DHX15: variants seen among roughly 807,000 people sequenced by gnomAD.
DHX15 encodes the protein DEAH-box helicase 15.
DHX15 carries 11 observed loss-of-function variants against 94.4 expected under a neutral mutation model. The observed-to-expected ratio is 0.12, with a 90% CI of 0.07 to 0.19. The LOEUF is 0.19. Ranked by LOEUF, DHX15 falls within the 10% of genes least tolerant of loss-of-function variation. The probability of loss-of-function intolerance (pLI) is 1.00; values close to 1 mark genes in which losing one functional copy is unlikely to be tolerated. For synonymous variants in DHX15, 338 were observed against 329.9 expected, an observed-to-expected ratio of 1.02 and a Z score of -0.27; for missense variants, 304 against 988.5, an observed-to-expected ratio of 0.31 and a Z score of 9.29.
At chr4:24,536,676 CTTT>C (rs914229426) in intron 11 of DHX15, among the ~76,000 whole-genome samples, 11 of 151,876 alleles carry the variant, frequency 7.2e-5, no homozygotes, top group African/African-American at 2.7e-4. Context: ...GTAAAAAGTT[CTTT>C]ATTAGTAAAA....
rs760641205 is a variant in DHX15, at chr4:24,540,894, A to G, written c.1540T>C (p.Leu514=). 3 of 1,610,694 alleles carry G rather than the reference A, an allele frequency of 1.9e-6. No homozygotes were observed. The highest frequency in any genetic ancestry group is 2.2e-5 in the South Asian group (2 of 90,850). The change falls in exon 9 of 14, where the codon TTG becomes CTG. Residue 514 remains leucine (L), a synonymous_variant. Transcript: ENST00000336812. ...AAGTCATCAATACCAAGTTTCTTCA[A>G]TTGTAACACAACTGATCCTAAATTA... ...RSNLGSVVLQ[L]KKLGIDDLVH...
intron 3 of DHX15, among the ~76,000 whole-genome samples, chr4:24,569,959 G>A (rs1722084793): frequency 6.6e-6 from 1 of 152,172 alleles, no homozygotes; most frequent in Non-Finnish European, 1.5e-5. Context: ...CATTTAAAAG[G>A]ACTTAAATAT....
At chr4:24,575,440 G>C (rs1047858329) in intron 2 of DHX15, among the ~76,000 whole-genome samples, 8 of 152,184 alleles carry the variant, frequency 5.3e-5, no homozygotes, top group African/African-American at 1.9e-4. Flanking sequence ...TATAAAGACA[G>C]TTACTTCTCA....
intron 3 of DHX15, among the ~76,000 whole-genome samples, chr4:24,565,817 A>C (rs1401209428): frequency 6.6e-6 from 1 of 152,186 alleles, no homozygotes; most frequent in East Asian, 1.9e-4. Flanking sequence ...GAGTGCCATA[A>C]ATGACGAAGA....
In DHX15 at chr4:24,554,958, T is replaced by C; in HGVS notation, c.862-15A>G. 1 of 1,595,932 alleles carries C rather than the reference T, an allele frequency of 6.3e-7. No individual in the cohort carries two copies. Among genetic ancestry groups the C allele is most frequent in the Non-Finnish European group, 8.6e-7 (1 of 1,164,384 alleles). ...ATAACTATAACCTGAAAGAAAACAG[T>C]AAATTATTTGAAGCTGTCTTCAAGG... On this transcript the variant is annotated splice_polypyrimidine_tract_variant and intron_variant, in intron 4 of 13. Coordinates refer to ENST00000336812, the MANE Select transcript of DHX15 (RefSeq NM_001358.3).
Position 24,570,851 on chromosome 4 carries a change from T to C in DHX15, c.508-4A>G, listed in dbSNP as rs971774670. The C allele has an allele frequency of 1.9e-6, 3 of 1,611,524 alleles. No individual in the cohort carries two copies. Among genetic ancestry groups the C allele is most frequent in the Non-Finnish European group, 1.7e-6 (2 of 1,177,920 alleles). On this transcript the variant is annotated splice_region_variant and splice_polypyrimidine_tract_variant and intron_variant, in intron 2 of 13. Coordinates refer to ENST00000336812, the MANE Select transcript of DHX15 (RefSeq NM_001358.3). ...ACTCCACACACCACTGTGGAATCTA[T>C]CAAATAATTTCACATTTAAATTAAT...
At chr4:24,574,330 A>G (rs1577350698) in intron 2 of DHX15, among the ~76,000 whole-genome samples, 1 of 152,150 alleles carries the variant, frequency 6.6e-6, no homozygotes, top group East Asian at 1.9e-4. Flanking sequence ...GTTTAATAAG[A>G]GCATGCTAGG....
chr4:24,579,992 T>C (rs1722372674), intron 1 of DHX15, among the ~76,000 whole-genome samples: 1 of 152,216 alleles, frequency 6.6e-6, no homozygotes, highest in Admixed American at 6.5e-5. Context: ...TTTCAATCTC[T>C]TGACCTCATG....
chr4:24,583,860 T>G (rs368453449), intron 1 of DHX15, among the ~76,000 whole-genome samples: 3 of 151,906 alleles, frequency 2.0e-5, no homozygotes, highest in Non-Finnish European at 2.9e-5. Context: ...CTGGAGTGCC[T>G]GGCCGCGCCC....
chr4:24,567,632 CA>C (rs1722021689), intron 3 of DHX15, among the ~76,000 whole-genome samples: 1 of 151,712 alleles, frequency 6.6e-6, no homozygotes, highest in Non-Finnish European at 1.5e-5. Context: ...AAATCCACTG[CA>C]AAAGGGCTAC....
In DHX15 at chr4:24,527,676, T is replaced by C. The variant is rs1396910440; in HGVS notation, c.*248A>G. ...GAAATGCTTATAACATTGTTATATA[T>C]AGAACTACTTTCAATAAACTGCAAA... On this transcript the variant is annotated 3_prime_UTR_variant, in exon 14 of 14. Transcript: ENST00000336812. The C allele has an allele frequency of 2.2e-5, 9 of 404,862 alleles. No individual in the cohort carries two copies. Among genetic ancestry groups the C allele is most frequent in the Admixed American group, 7.6e-5 (2 of 26,194 alleles). The allele number at this position is 404,862 out of a possible 1,614,324, so 25.1% of individuals were successfully genotyped here.
chr4:24,565,230 T>G (rs949352602), intron 3 of DHX15, among the ~76,000 whole-genome samples: 2 of 152,220 alleles, frequency 1.3e-5, no homozygotes, highest in African/African-American at 4.8e-5. Context: ...CACAAATACT[T>G]AAGTACAAAG....
intron 10 of DHX15, 178 bp downstream of exon 10, chr4:24,539,930 T>G (rs927514634): frequency 2.3e-6 from 1 of 430,422 alleles, no homozygotes; most frequent in East Asian, 3.6e-5. Flanking sequence ...CTTACTTTAC[T>G]TTTGTAAGCA....
chr4:24,531,880 A>G (rs1488829945), intron 12 of DHX15, among the ~76,000 whole-genome samples: 2 of 152,136 alleles, frequency 1.3e-5, no homozygotes, highest in Non-Finnish European at 2.9e-5. Context: ...CACAATAAAC[A>G]CTGTGTTACT....
chr4:24,564,793 G>A (rs920317558), intron 3 of DHX15, among the ~76,000 whole-genome samples: 5 of 152,072 alleles, frequency 3.3e-5, no homozygotes, highest in Admixed American at 1.3e-4. Flanking sequence ...ACTACTAGAT[G>A]TAAATGCTCA....
intron 3 of DHX15, among the ~76,000 whole-genome samples, chr4:24,569,868 T>G (rs751390646): frequency 2.0e-5 from 3 of 152,220 alleles, no homozygotes; most frequent in Non-Finnish European, 4.4e-5. Flanking sequence ...ACTCCTGGCC[T>G]CAAGCAATAA....
At chr4:24,540,772 T>C (rs891042401) in intron 9 of DHX15, 68 bp downstream of exon 9, 8 of 846,494 alleles carry the variant, frequency 9.5e-6, no homozygotes, top group Non-Finnish European at 1.5e-5. Context: ...TTAAATAGGA[T>C]GGAGAAAAAC....
intron 1 of DHX15, among the ~76,000 whole-genome samples, chr4:24,580,400 C>T (rs1405643953): frequency 2.0e-5 from 3 of 152,042 alleles, no homozygotes; most frequent in Non-Finnish European, 4.4e-5. Flanking sequence ...GAGGAAGACC[C>T]TGTCTCTAAA....
intron 6 of DHX15, among the ~76,000 whole-genome samples, chr4:24,545,022 G>A (rs1323220796): frequency 2.6e-5 from 4 of 152,102 alleles, no homozygotes; most frequent in African/African-American, 4.8e-5. Flanking sequence ...AAGGTGGGAG[G>A]ACTGCTTGAG....
Sources: allele counts gnomAD v4.1 joint callset (sites outside exome capture counted in the v4.1 genomes callset), GRCh38; gene constraint gnomAD v4.1.1; transcripts MANE v1.5; gene names NCBI Gene and HGNC (gene_info 2026-07-23, HGNC 2026-07-21).